ENTHD1: variants seen among roughly 807,000 people sequenced by gnomAD.
ENTHD1 encodes the protein ENTH domain-containing protein 1.
In ENTHD1, 23 loss-of-function variants were observed where a neutral mutation model predicts 39.1. The ratio of observed to expected loss-of-function variants is 0.59; its 90% confidence interval spans 0.42 to 0.83. The LOEUF (loss-of-function observed/expected upper bound fraction) is 0.83. Ranked by LOEUF, ENTHD1 falls within the 40% of genes least tolerant of loss-of-function variation. ENTHD1 has a pLI of 0.00. For missense variants in ENTHD1, 624 were observed against 705.4 expected (o/e 0.88, Z 1.31); for synonymous variants, 230 against 258.2 (o/e 0.89, Z 1.05).
intron 6 of ENTHD1, among the ~76,000 whole-genome samples, chr22:39,760,237 A>C (rs554476679): frequency 6.6e-6 from 1 of 152,044 alleles, no homozygotes; most frequent in African/African-American, 2.4e-5. Context: ...TAAAATCTCA[A>C]ATTAAAACTG....
chr22:39,826,468 G>C (rs1402282681), intron 4 of ENTHD1, among the ~76,000 whole-genome samples: 1 of 147,980 alleles, frequency 6.8e-6, no homozygotes. Flanking sequence ...TCTATTCCTT[G>C]TGCATTTATT....
chr22:39,803,155 A>G (rs574551182), intron 5 of ENTHD1, among the ~76,000 whole-genome samples: 44 of 152,108 alleles, frequency 2.9e-4, no homozygotes, highest in Non-Finnish European at 5.0e-4. Context: ...CCCACATGCC[A>G]TTGCCCCTGC....
At chr22:39,795,029 G>A (rs1245215035) in intron 5 of ENTHD1, among the ~76,000 whole-genome samples, 1 of 151,978 alleles carries the variant, frequency 6.6e-6, no homozygotes, top group East Asian at 1.9e-4. Flanking sequence ...TAATAATATG[G>A]CATTTGTCCT....
chr22:39,799,464 G>A (rs1163577131), intron 5 of ENTHD1, among the ~76,000 whole-genome samples: 4 of 152,074 alleles, frequency 2.6e-5, no homozygotes, highest in Non-Finnish European at 4.4e-5. Flanking sequence ...GAAAAAGTAG[G>A]TACACAGACA....
intron 1 of ENTHD1, among the ~76,000 whole-genome samples, chr22:39,888,937 A>G (rs2066405527): frequency 6.6e-6 from 1 of 152,152 alleles, no homozygotes; most frequent in African/African-American, 2.4e-5. Context: ...TCACCCACTG[A>G]CCCTATGACT....
intron 2 of ENTHD1, among the ~76,000 whole-genome samples, chr22:39,881,688 T>C (rs918663591): frequency 7.2e-5 from 11 of 152,104 alleles, no homozygotes; most frequent in African/African-American, 2.7e-4. Context: ...ATATACACTA[T>C]GTCAGATGAG....
chr22:39,797,089 CAATT>C (rs1227852987), intron 5 of ENTHD1, among the ~76,000 whole-genome samples: 1 of 152,160 alleles, frequency 6.6e-6, no homozygotes, highest in African/African-American at 2.4e-5. Flanking sequence ...TCCTCTTGCT[CAATT>C]AATCCCTTTA....
At chr22:39,873,939 G>A (rs777159800) in intron 2 of ENTHD1, among the ~76,000 whole-genome samples, 2 of 152,242 alleles carry the variant, frequency 1.3e-5, no homozygotes, top group Non-Finnish European at 2.9e-5. Context: ...TCAAAGACTC[G>A]GCAATTTACA....
At chr22:39,852,571 T>C (rs571129722) in intron 3 of ENTHD1, among the ~76,000 whole-genome samples, 25 of 152,308 alleles carry the variant, frequency 1.6e-4, no homozygotes, top group African/African-American at 4.1e-4. Context: ...CTTACACACA[T>C]TGAGATGGTA....
At chr22:39,890,028 G>A (rs2066413693) in intron 1 of ENTHD1, among the ~76,000 whole-genome samples, 1 of 151,818 alleles carries the variant, frequency 6.6e-6, no homozygotes, top group African/African-American at 2.4e-5. Flanking sequence ...AACCTGGGAG[G>A]CAGAGGTTGC....
At chr22:39,840,626 C>T (rs2065936393) in intron 3 of ENTHD1, among the ~76,000 whole-genome samples, 1 of 152,108 alleles carries the variant, frequency 6.6e-6, no homozygotes, top group Non-Finnish European at 1.5e-5. Context: ...AGAAAATATT[C>T]AGTGGGCTAA....
At chr22:39,893,188 A>T (rs2066441667) in intron 1 of ENTHD1, 1 of 152,104 alleles carries the variant, frequency 6.6e-6, no homozygotes, top group African/African-American at 2.4e-5. Flanking sequence ...AGACTTAACA[A>T]CTTCTCTAAG....
intron 6 of ENTHD1, among the ~76,000 whole-genome samples, chr22:39,755,673 A>G (rs1290652030): frequency 1.3e-5 from 2 of 152,154 alleles, no homozygotes; most frequent in African/African-American, 4.8e-5. Flanking sequence ...AAACAACTAG[A>G]GAGGATTTTG....
intron 4 of ENTHD1, among the ~76,000 whole-genome samples, chr22:39,830,643 G>T (rs768550050): frequency 1.3e-5 from 2 of 152,072 alleles, no homozygotes; most frequent in Non-Finnish European, 2.9e-5. Context: ...AGAAGCTAAC[G>T]TTCATTTACT....
chr22:39,848,518 C>T (rs2066009436), intron 3 of ENTHD1, among the ~76,000 whole-genome samples: 1 of 152,164 alleles, frequency 6.6e-6, no homozygotes, highest in South Asian at 2.1e-4. Context: ...TCCCAAAGTG[C>T]TGGGATTACA....
intron 3 of ENTHD1, among the ~76,000 whole-genome samples, chr22:39,852,190 A>C (rs896390989): frequency 6.6e-6 from 1 of 151,478 alleles, no homozygotes; most frequent in African/African-American, 2.4e-5. Context: ...AAACCCAAAA[A>C]CCCAAATTTA....
At chr22:39,838,224 A>C (rs1445315492) in intron 3 of ENTHD1, among the ~76,000 whole-genome samples, 1 of 152,132 alleles carries the variant, frequency 6.6e-6, no homozygotes, top group Non-Finnish European at 1.5e-5. Flanking sequence ...TTTTAGTATG[A>C]ATTTTTTTGG....
rs973352966 is a variant in ENTHD1, at chr22:39,765,669, A to T, written c.833-60T>A. 3 of 1,414,494 alleles carry T rather than the reference A, an allele frequency of 2.1e-6. No homozygotes were observed. In the South Asian group the frequency reaches 4.2e-5, roughly 20 times the overall value. 87.6% of individuals were successfully genotyped at this position (1,414,494 alleles called of 1,614,324 possible). ...ATAAAACTGAAAATACTCTATTTCAAATCTGTTATAATTTTAATAAATAGG... is the reference window on the plus strand; with the variant it reads ...ATAAAACTGAAAATACTCTATTTCATATCTGTTATAATTTTAATAAATAGG... On this transcript the variant is annotated intron_variant, in intron 5 of 6. Transcript: ENST00000325157.
intron 6 of ENTHD1, among the ~76,000 whole-genome samples, chr22:39,755,834 C>G (rs1291100741): frequency 6.6e-6 from 1 of 152,180 alleles, no homozygotes; most frequent in African/African-American, 2.4e-5. Flanking sequence ...TAAATCCCCA[C>G]AATATCTCAA....
Sources: allele counts gnomAD v4.1 joint callset (sites outside exome capture counted in the v4.1 genomes callset), GRCh38; gene constraint gnomAD v4.1.1; transcripts MANE v1.5; gene names NCBI Gene and HGNC (gene_info 2026-07-23, HGNC 2026-07-21).